The following CEP85L variants were observed in gnomAD, a reference collection of about 807,000 sequenced individuals.
The protein encoded by CEP85L is centrosomal protein of 85 kDa-like.
CEP85L carries 60 observed loss-of-function variants against 100.3 expected under a neutral mutation model. That is an observed-to-expected ratio of 0.60 (90% confidence interval 0.49 to 0.74). The LOEUF is 0.74. Among genes scored for constraint, CEP85L ranks in the 30% least tolerant of loss-of-function variants. The probability of loss-of-function intolerance (pLI) is 0.00; values close to 1 mark genes in which losing one functional copy is unlikely to be tolerated. For synonymous variants in CEP85L, 319 were observed against 322.7 expected, an observed-to-expected ratio of 0.99 and a Z score of 0.12; for missense variants, 973 against 936.2, an observed-to-expected ratio of 1.04 and a Z score of -0.51.
chr6:118,668,650 CTG>C (rs895518486), intron 1 of CEP85L, among the ~76,000 whole-genome samples: 3 of 152,100 alleles, frequency 2.0e-5, no homozygotes, highest in African/African-American at 7.2e-5. Flanking sequence ...ATGTGCAACT[CTG>C]TGAAATTTTG....
At chr6:118,544,341 A>G (rs192164046) in intron 3 of CEP85L, among the ~76,000 whole-genome samples, 1 of 152,256 alleles carries the variant, frequency 6.6e-6, no homozygotes, top group East Asian at 1.9e-4. Flanking sequence ...CCTTTGTACA[A>G]AACATGCACT....
chr6:118,539,488 T>C (rs1777784520), intron 3 of CEP85L, among the ~76,000 whole-genome samples: 1 of 152,246 alleles, frequency 6.6e-6, no homozygotes, highest in Non-Finnish European at 1.5e-5. Flanking sequence ...ATTCCTGTCA[T>C]TAAGTGACAA....
chr6:118,709,467 A>G (rs1465931928), intron 1 of CEP85L, among the ~76,000 whole-genome samples: 3 of 151,078 alleles, frequency 2.0e-5, no homozygotes, highest in African/African-American at 7.3e-5. Flanking sequence ...TTGGCGACAG[A>G]GCAGCTAGAG....
intron 3 of CEP85L, among the ~76,000 whole-genome samples, chr6:118,545,190 G>A (rs1218901405): frequency 1.3e-5 from 2 of 151,808 alleles, no homozygotes; most frequent in African/African-American, 2.4e-5. Flanking sequence ...TCCAAAAACC[G>A]ATTCTATTTT....
Position 118,464,102 on chromosome 6 carries a change from A to C in CEP85L, c.*1303T>G, listed in dbSNP as rs2114368942. The stretch of plus-strand genomic sequence containing the variant: ...TTGGTTGCATCACAAGATCAAACCA[A>C]CTTACAAAGGACAAGGCTTTCGCCA... On this transcript the variant is annotated 3_prime_UTR_variant, in exon 13 of 13. Coordinates refer to ENST00000368491, the MANE Select transcript of CEP85L (RefSeq NM_001042475.3). 1 of 152,324 alleles carries C rather than the reference A, an allele frequency of 6.6e-6. No individual in the cohort carries two copies. The highest frequency in any genetic ancestry group is 3.4e-3 in the Middle Eastern group (1 of 294). The allele number at this position is 152,324 out of a possible 1,614,324, so 9.4% of individuals were successfully genotyped here. A position where few individuals can be genotyped will look rare whatever the true frequency, so the allele number is the denominator to read the frequency against.
At chr6:118,673,162 T>G (rs1776370676) in intron 1 of CEP85L, among the ~76,000 whole-genome samples, 1 of 151,950 alleles carries the variant, frequency 6.6e-6, no homozygotes, top group Admixed American at 6.5e-5. Flanking sequence ...AAATAAGAGT[T>G]AAAGATGAGG....
chr6:118,660,385 G>A (rs978526887), intron 1 of CEP85L, among the ~76,000 whole-genome samples: 1 of 152,234 alleles, frequency 6.6e-6, no homozygotes, highest in Non-Finnish European at 1.5e-5. Flanking sequence ...CCTGGCAAAA[G>A]GCCAGCTGTG....
rs906023238 is a variant in CEP85L at position 118,565,883 on chromosome 6, C to T, written c.666G>A (p.Arg222=). The T allele has an allele frequency of 3.7e-6, 6 of 1,614,078 alleles. No individual in the cohort carries two copies. The South Asian group carries it at 6.6e-5, about 18-fold the overall frequency. Residue 222 remains arginine, a synonymous_variant, in exon 3 of 13, where the codon CGG becomes CGA. Coordinates refer to ENST00000368491, the MANE Select transcript of CEP85L (RefSeq NM_001042475.3). ...RLEDKEINKK[R]SSTLDCKYKF... ...TATACTTGCAGTCCAGAGTTGATGACCGTTTTTTATTTATTTCCTTGTCCT... is the reference window on the plus strand; with the variant it reads ...TATACTTGCAGTCCAGAGTTGATGATCGTTTTTTATTTATTTCCTTGTCCT...
At chr6:118,569,341 C>CAAAAAAAAAAAAAAAAAAA (rs56123225) in intron 2 of CEP85L, among the ~76,000 whole-genome samples, 7 of 68,212 alleles carry the variant, frequency 1.0e-4, no homozygotes, top group African/African-American at 4.0e-4. Flanking sequence ...GACTCTGTCT[C>CAAAAAAAAAAAAAAAAAAA]AAAAAAAAAA....
chr6:118,688,606 C>G (rs1191318393), intron 1 of CEP85L, among the ~76,000 whole-genome samples: 1 of 152,168 alleles, frequency 6.6e-6, no homozygotes. Flanking sequence ...AAACCTTTTG[C>G]AGTCTTATCA....
At chr6:118,678,351 T>G (rs1776544852) in intron 1 of CEP85L, among the ~76,000 whole-genome samples, 1 of 152,184 alleles carries the variant, frequency 6.6e-6, no homozygotes, top group African/African-American at 2.4e-5. Context: ...AAGAAAGACT[T>G]GGGTAATGCT....
chr6:118,596,453 AC>A (rs1358050539), intron 2 of CEP85L, among the ~76,000 whole-genome samples: 1 of 152,190 alleles, frequency 6.6e-6, no homozygotes, highest in Non-Finnish European at 1.5e-5. Context: ...AAGCACACTT[AC>A]CAAAGAACAG....
rs1451087666 is a variant in CEP85L, at chr6:118,507,835, G to A, written c.1257+3463C>T. Among the ~76,000 whole-genome samples, 6 of 152,028 alleles carry A rather than the reference G, an allele frequency of 3.9e-5. No individual in the cohort carries two copies. The East Asian group carries it at 1.2e-3, about 29-fold the overall frequency. On this transcript the variant is annotated intron_variant, in intron 5 of 12. Coordinates refer to ENST00000368491, the MANE Select transcript of CEP85L (RefSeq NM_001042475.3). ...GCCTGGCCAGGCTTTTGGAAGATTAGCTTCTATGTTCATAGCTGGGGTTCC... is the reference window on the plus strand; with the variant it reads ...GCCTGGCCAGGCTTTTGGAAGATTAACTTCTATGTTCATAGCTGGGGTTCC...
Position 118,600,353 on chromosome 6 carries a change from G to GTC in CEP85L, c.232+32099_232+32100insGA, listed in dbSNP as rs1562298012. Among the ~76,000 whole-genome samples, 65 of 139,604 alleles carry GTC rather than the reference G, an allele frequency of 4.7e-4. 3 individuals carry two copies. Among genetic ancestry groups the GTC allele is most frequent in the African/African-American group, 1.5e-3 (58 of 37,744 alleles). The allele number at this position is 139,604 out of a possible 152,430, so 91.6% of individuals were successfully genotyped here. On this transcript the variant is annotated intron_variant, in intron 2 of 12. Transcript: ENST00000368491. ...TGTGTGTGTGTGTGTGTGTGTGTGT[G>GTC]TGTGTGTGTGTGTGTGTAACGCCAT...
intron 5 of CEP85L, among the ~76,000 whole-genome samples, chr6:118,507,637 T>C (rs934856661): frequency 1.3e-5 from 2 of 152,168 alleles, no homozygotes; most frequent in African/African-American, 4.8e-5. Flanking sequence ...TTACATTTCA[T>C]CCACACAGAA....
chr6:118,533,987 C>T (rs953333526), intron 3 of CEP85L, among the ~76,000 whole-genome samples: 4 of 151,886 alleles, frequency 2.6e-5, no homozygotes, highest in African/African-American at 2.4e-5. Context: ...CCCAGCTACT[C>T]GGGAGGCTGA....
At chr6:118,472,540 A>T (rs7772214) in intron 10 of CEP85L, among the ~76,000 whole-genome samples, 72,352 of 151,874 alleles carry the variant, frequency 0.48, 17,623 homozygotes, top group Middle Eastern at 0.58. Flanking sequence ...TTGTATTAAG[A>T]TATGTTTAAA....
chr6:118,600,300 GGTGTGTGT>G (rs59278037), intron 2 of CEP85L, among the ~76,000 whole-genome samples: 1,198 of 52,212 alleles, frequency 0.023, 243 homozygotes, highest in Admixed American at 0.032. Flanking sequence ...CCTTCCTGGG[GGTGTGTGT>G]GTGTGTGTGT....
chr6:118,687,187 G>A (rs1776863220), intron 1 of CEP85L, among the ~76,000 whole-genome samples: 2 of 152,194 alleles, frequency 1.3e-5, no homozygotes, highest in South Asian at 4.2e-4. Flanking sequence ...GCTTTTGATG[G>A]CTGCCCTATC....
Sources: allele counts gnomAD v4.1 joint callset (sites outside exome capture counted in the v4.1 genomes callset), GRCh38; gene constraint gnomAD v4.1.1; transcripts MANE v1.5; gene names NCBI Gene and HGNC (gene_info 2026-07-23, HGNC 2026-07-21).